The following NDUFA5 variants were observed in gnomAD, a reference collection of about 807,000 sequenced individuals.
The protein encoded by NDUFA5 is NADH dehydrogenase [ubiquinone] 1 alpha subcomplex subunit 5.
A neutral mutation model predicts 19.8 loss-of-function variants in NDUFA5; 11 were observed. That is an observed-to-expected ratio of 0.56 (90% confidence interval 0.35 to 0.92). The LOEUF (loss-of-function observed/expected upper bound fraction) is 0.92. Among genes scored for constraint, NDUFA5 ranks in the 40% least tolerant of loss-of-function variants. NDUFA5 has a pLI of 0.01. For synonymous variants in NDUFA5, 47 were observed against 46.8 expected (o/e 1.00, Z -0.01); for missense variants, 109 against 134.2 (o/e 0.81, Z 0.93).
the NDUFA5 span, among the ~76,000 whole-genome samples, chr7:123,588,358 A>G: frequency 6.6e-6 from 1 of 151,314 alleles, no homozygotes; most frequent in Non-Finnish European, 1.5e-5. Flanking sequence ...GTATTTCTGT[A>G]TTTTTATATA....
the NDUFA5 span, among the ~76,000 whole-genome samples, chr7:123,572,174 ACT>A: frequency 9.1e-6 from 1 of 109,610 alleles, no homozygotes; most frequent in African/African-American, 3.7e-5. Flanking sequence ...ACAGAGTCTC[ACT>A]CTGTCACTAG....
chr7:123,551,045 C>T (rs1245384790), intron 2 of NDUFA5, among the ~76,000 whole-genome samples: 2 of 152,076 alleles, frequency 1.3e-5, no homozygotes, highest in African/African-American at 4.8e-5. Context: ...CCTGCCTCTG[C>T]CTCCACAGTA....
chr7:123,600,878 C>T, the NDUFA5 span, among the ~76,000 whole-genome samples: 3 of 151,988 alleles, frequency 2.0e-5, no homozygotes, highest in East Asian at 3.9e-4. Flanking sequence ...AAAACAAAAG[C>T]GTGTAGTGCT....
chr7:123,555,340 T>G (rs1178352467), intron 2 of NDUFA5: 1 of 152,064 alleles, frequency 6.6e-6, no homozygotes, highest in Non-Finnish European at 1.5e-5. Context: ...TTGTTGCAAT[T>G]CTCTAAACAA....
chr7:123,574,857 A>T, the NDUFA5 span, among the ~76,000 whole-genome samples: 1 of 151,638 alleles, frequency 6.6e-6, no homozygotes, highest in Non-Finnish European at 1.5e-5. Flanking sequence ...TACTCTTTTT[A>T]TTTTTTCTAT....
upstream of NDUFA5, among the ~76,000 whole-genome samples, chr7:123,562,242 G>A (rs975979217): frequency 8.5e-5 from 13 of 152,108 alleles, no homozygotes; most frequent in Non-Finnish European, 1.0e-4. Flanking sequence ...ATAGAACACA[G>A]GCAGACTAGA....
At chr7:123,574,193 A>G in the NDUFA5 span, among the ~76,000 whole-genome samples, 2 of 148,762 alleles carry the variant, frequency 1.3e-5, no homozygotes, top group Non-Finnish European at 3.0e-5. Flanking sequence ...ACCAGGTTCC[A>G]TCTCCTTTTT....
chr7:123,556,127 G>A (rs1048010167), intron 2 of NDUFA5: 3 of 152,146 alleles, frequency 2.0e-5, no homozygotes, highest in East Asian at 3.9e-4. Context: ...GAGAAAGGAA[G>A]GAATCAAAGA....
chr7:123,581,483 A>C, the NDUFA5 span, among the ~76,000 whole-genome samples: 1 of 151,128 alleles, frequency 6.6e-6, no homozygotes, highest in Non-Finnish European at 1.5e-5. Flanking sequence ...GATCCCATCC[A>C]ACTTAAGTCC....
chr7:123,594,905 G>C, the NDUFA5 span, among the ~76,000 whole-genome samples: 1 of 152,218 alleles, frequency 6.6e-6, no homozygotes, highest in Non-Finnish European at 1.5e-5. Flanking sequence ...GGAATCAAGA[G>C]AGGCAGTAGG....
At chr7:123,600,743 G>C in the NDUFA5 span, among the ~76,000 whole-genome samples, 2 of 152,150 alleles carry the variant, frequency 1.3e-5, no homozygotes, top group Non-Finnish European at 2.9e-5. Context: ...TTAAAGAGGA[G>C]TTAGGACCTC....
the NDUFA5 span, among the ~76,000 whole-genome samples, chr7:123,572,954 A>G: frequency 6.6e-6 from 1 of 151,474 alleles, no homozygotes. Flanking sequence ...TTTAAAAATG[A>G]TTTACTTTTC....
At chr7:123,596,205 A>C in the NDUFA5 span, 1 of 152,196 alleles carries the variant, frequency 6.6e-6, no homozygotes, top group Non-Finnish European at 1.5e-5. Flanking sequence ...TCATGAGACC[A>C]TTAAAAATTG....
At chr7:123,574,639 C>A in the NDUFA5 span, among the ~76,000 whole-genome samples, 1 of 152,132 alleles carries the variant, frequency 6.6e-6, no homozygotes, top group Non-Finnish European at 1.5e-5. Flanking sequence ...AAGTTTGAGG[C>A]CCTCTAACAT....
At chr7:123,557,647 C>A in intron 1 of NDUFA5, 128 bp downstream of exon 1, 2 of 1,613,796 alleles carry the variant, frequency 1.2e-6, no homozygotes, top group Non-Finnish European at 1.7e-6. Context: ...GTAAGGCATG[C>A]AGAACGAGTC....
the NDUFA5 span, among the ~76,000 whole-genome samples, chr7:123,574,891 A>T: frequency 1.3e-5 from 2 of 152,078 alleles, no homozygotes; most frequent in Middle Eastern, 3.4e-3. Flanking sequence ...ACTTTACTGG[A>T]TCTACATCAT....
At chr7:123,580,713 C>A in the NDUFA5 span, among the ~76,000 whole-genome samples, 1 of 151,978 alleles carries the variant, frequency 6.6e-6, no homozygotes. Flanking sequence ...CCAGTCTCCC[C>A]ATAACCTCAC....
chr7:123,600,797 C>A, the NDUFA5 span, among the ~76,000 whole-genome samples: 1 of 152,046 alleles, frequency 6.6e-6, no homozygotes, highest in East Asian at 1.9e-4. Context: ...ATAAAACTGG[C>A]AAATTCACTA....
intron 2 of NDUFA5, chr7:123,556,933 T>G (rs576375551): frequency 2.0e-6 from 1 of 491,406 alleles, no homozygotes; most frequent in Non-Finnish European, 4.0e-6. Flanking sequence ...GGTGTGATTA[T>G]AGAAGGGACA....
Sources: gnomAD v4.1 joint callset for allele counts (sites outside exome capture counted in the v4.1 genomes callset) on GRCh38, gnomAD v4.1.1 for gene constraint, MANE v1.5 for transcripts, NCBI Gene and HGNC (gene_info 2026-07-23, HGNC 2026-07-21) for gene names.